NCOA3: variants seen among roughly 807,000 people sequenced by gnomAD.
NCOA3 encodes nuclear receptor coactivator 3.
NCOA3 carries 51 observed loss-of-function variants against 158.8 expected under a neutral mutation model. The observed-to-expected ratio is 0.32, with a 90% CI of 0.26 to 0.41. The LOEUF is 0.41. NCOA3 is among the 10% of genes least tolerant of loss of function. The pLI, the probability that NCOA3 is intolerant of heterozygous loss-of-function variation, is 1.00. For synonymous variants in NCOA3, 537 were observed against 592.4 expected, an observed-to-expected ratio of 0.91 and a Z score of 1.36; for missense variants, 1,510 against 1,746.6, an observed-to-expected ratio of 0.86 and a Z score of 2.41.
At chr20:47,632,155 T>C (rs142952892) in intron 8 of NCOA3, among the ~76,000 whole-genome samples, 7 of 152,222 alleles carry the variant, frequency 4.6e-5, no homozygotes, top group African/African-American at 1.7e-4. Flanking sequence ...TTAGGTTTGA[T>C]GATTTGCTAG....
intron 8 of NCOA3, chr20:47,630,193 A>G (rs2146310820): frequency 6.6e-6 from 1 of 152,284 alleles, no homozygotes; most frequent in South Asian, 2.1e-4. Context: ...CTTTCCCAGA[A>G]TGCGTTTATC....
At position 47,633,499 on chromosome 20, in the gene NCOA3, A is replaced by G; in HGVS notation, c.827A>G (p.Lys276Arg). The G allele has an allele frequency of 6.2e-7, 1 of 1,602,976 alleles. No individual in the cohort carries two copies. The highest frequency in any genetic ancestry group is 8.5e-7 in the Non-Finnish European group (1 of 1,176,874). The change falls in exon 9 of 23, where the codon AAG (lysine) becomes AGG (arginine). Residue 276 changes from lysine to arginine, a missense_variant. Transcript: ENST00000371998. ...TTTTCCTTTTTTTGTTTAATAGGAA[A>G]GGTTGTCAATATAGATACAAATTCA... is the stretch of plus-strand genomic sequence containing the variant. ...SFITRHDLSGKVVNIDTNSLR... is the reference protein window; with the variant it reads ...SFITRHDLSGRVVNIDTNSLR...
At chr20:47,506,382 TACCTTCTGGTGGAGA>T (rs773971101) in intron 1 of NCOA3, among the ~76,000 whole-genome samples, 2 of 152,234 alleles carry the variant, frequency 1.3e-5, no homozygotes, top group Non-Finnish European at 2.9e-5. Context: ...TTCCCTTTCC[TACCTTCTGGTGGAGA>T]GTTTTTAAAT....
In NCOA3 at chr20:47,637,845, A is replaced by C. The variant is rs1348374458; in HGVS notation, c.2512+62A>C. On this transcript the variant is annotated intron_variant, in intron 13 of 22. Coordinates refer to ENST00000371998, the MANE Select transcript of NCOA3 (RefSeq NM_181659.3). ...TTTGAAACTTTTCTGCATACCTGTA[A>C]ACACTCTTACACTAAGACCAGGATA... 6 of 1,461,110 alleles carry C rather than the reference A, an allele frequency of 4.1e-6. No individual in the cohort carries two copies. The African/African-American group carries it at 8.6e-5, about 21-fold the overall frequency. The allele number at this position is 1,461,110 out of a possible 1,614,324, so 90.5% of individuals were successfully genotyped here. A position where few individuals can be genotyped will look rare whatever the true frequency, so the allele number is the denominator to read the frequency against.
chr20:47,647,032 C>T (rs1250661551), intron 17 of NCOA3, 41 bp from the exon 18 acceptor site: 2 of 1,563,812 alleles, frequency 1.3e-6, no homozygotes, highest in South Asian at 1.2e-5. Flanking sequence ...CTGTTGCTTT[C>T]ATAGATGTTC....
intron 1 of NCOA3, among the ~76,000 whole-genome samples, chr20:47,572,483 C>T (rs556452719): frequency 4.5e-4 from 68 of 152,002 alleles, no homozygotes; most frequent in Non-Finnish European, 4.1e-4. Flanking sequence ...TAGCTTTCAG[C>T]CTCAGCTTTT....
At chr20:47,639,430 T>C (rs1456103227) in intron 14 of NCOA3, 147 bp from the exon 15 acceptor site, 4 of 1,138,724 alleles carry the variant, frequency 3.5e-6, no homozygotes, top group African/African-American at 3.1e-5. Context: ...TAGTGGCCTA[T>C]GTCTCCACAG....
Position 47,637,640 on chromosome 20 carries a change from A to G in NCOA3, c.2377-8A>G. 1 of 1,592,470 alleles carries G rather than the reference A, an allele frequency of 6.3e-7. No individual in the cohort carries two copies. The highest frequency in any genetic ancestry group is 1.4e-5 in the African/African-American group (1 of 73,596). ...TATACAGGTTAATTTTTAAAACTTTATTTTCAGGGATCTGGAGACTTGGAT... is the reference window on the plus strand; with the variant it reads ...TATACAGGTTAATTTTTAAAACTTTGTTTTCAGGGATCTGGAGACTTGGAT... On this transcript the variant is annotated splice_polypyrimidine_tract_variant and splice_region_variant and intron_variant, in intron 12 of 22. Transcript: ENST00000371998.
At chr20:47,582,980 A>G (rs934066936) in intron 1 of NCOA3, among the ~76,000 whole-genome samples, 6 of 151,954 alleles carry the variant, frequency 3.9e-5, no homozygotes, top group Non-Finnish European at 8.8e-5. Context: ...TTTTTAGTAG[A>G]GTTGGGGTTT....
At chr20:47,629,338 T>G (rs1207150488) in intron 8 of NCOA3, among the ~76,000 whole-genome samples, 1 of 152,122 alleles carries the variant, frequency 6.6e-6, no homozygotes, top group Non-Finnish European at 1.5e-5. Context: ...TTACTTTTTT[T>G]TTTTTTTGAG....
intron 1 of NCOA3, among the ~76,000 whole-genome samples, chr20:47,522,557 G>C (rs2084360535): frequency 6.6e-6 from 1 of 152,058 alleles, no homozygotes; most frequent in Non-Finnish European, 1.5e-5. Flanking sequence ...ATACCAGCCA[G>C]GTATATATGC....
At chr20:47,606,392 T>TGCTG (rs2085948660) in intron 2 of NCOA3, among the ~76,000 whole-genome samples, 1 of 152,204 alleles carries the variant, frequency 6.6e-6, no homozygotes, top group Non-Finnish European at 1.5e-5. Flanking sequence ...TGCATAAAAT[T>TGCTG]GCTGACACCT....
intron 1 of NCOA3, among the ~76,000 whole-genome samples, chr20:47,560,874 G>T (rs899828511): frequency 2.7e-5 from 4 of 150,834 alleles, no homozygotes; most frequent in African/African-American, 9.8e-5. Context: ...GGTGGTTTTG[G>T]TTACATTAAT....
intron 1 of NCOA3, among the ~76,000 whole-genome samples, chr20:47,571,979 T>G (rs1174438767): frequency 6.6e-6 from 1 of 152,180 alleles, no homozygotes; most frequent in Non-Finnish European, 1.5e-5. Context: ...CTGCCTGCCT[T>G]GGCCTCCCAA....
At chr20:47,548,123 A>G (rs947806996) in intron 1 of NCOA3, among the ~76,000 whole-genome samples, 2 of 152,124 alleles carry the variant, frequency 1.3e-5, no homozygotes, top group African/African-American at 4.8e-5. Context: ...AATTGGTTAA[A>G]TAAAGTTAGG....
intron 1 of NCOA3, among the ~76,000 whole-genome samples, chr20:47,560,629 C>T (rs1048310874): frequency 2.0e-5 from 3 of 152,104 alleles, no homozygotes; most frequent in African/African-American, 7.2e-5. Context: ...TTTTAATTAG[C>T]AGTCCTGTAA....
chr20:47,593,187 C>T (rs946407368), intron 2 of NCOA3, among the ~76,000 whole-genome samples: 1 of 152,068 alleles, frequency 6.6e-6, no homozygotes, highest in Non-Finnish European at 1.5e-5. Context: ...CCTGCCTCGG[C>T]CTCCCAAAGT....
chr20:47,627,470 C>A, intron 6 of NCOA3, 91 bp from the exon 7 acceptor site: 1 of 982,238 alleles, frequency 1.0e-6, no homozygotes. Flanking sequence ...GGAAAACATG[C>A]ATAATGAGAA....
At chr20:47,537,097 C>T (rs984781564) in intron 1 of NCOA3, among the ~76,000 whole-genome samples, 3 of 152,078 alleles carry the variant, frequency 2.0e-5, no homozygotes, top group South Asian at 4.1e-4. Flanking sequence ...GCGTGAGCCA[C>T]CGCGCCCGGC....
Sources: gnomAD v4.1 joint callset for allele counts (sites outside exome capture counted in the v4.1 genomes callset) on GRCh38, gnomAD v4.1.1 for gene constraint, MANE v1.5 for transcripts, NCBI Gene and HGNC (gene_info 2026-07-23, HGNC 2026-07-21) for gene names.